Variants in ZNF98 observed in about 807,000 individuals in gnomAD.
ZNF98 encodes zinc finger protein 739.
ZNF98 carries 8 observed loss-of-function variants against 12.8 expected under a neutral mutation model. The ratio of observed to expected loss-of-function variants is 0.63; its 90% CI spans 0.37 to 1.13. The LOEUF (loss-of-function observed/expected upper bound fraction) is 1.13, where lower values mean the gene tolerates loss of function less well. ZNF98 is among the 50% of genes most tolerant of loss of function. The probability of loss-of-function intolerance (pLI) is 0.01; values close to 1 mark genes in which losing one functional copy is unlikely to be tolerated. For synonymous variants in ZNF98, 112 were observed against 223.5 expected (o/e 0.50, Z 4.45); for missense variants, 379 against 666.1 (o/e 0.57, Z 4.74).
At chr19:22,411,171 T>C (rs1969576479) in intron 1 of ZNF98, among the ~76,000 whole-genome samples, 1 of 152,110 alleles carries the variant, frequency 6.6e-6, no homozygotes, top group African/African-American at 2.4e-5. Flanking sequence ...GCCTTCCGAG[T>C]AGCTGGAACT....
chr19:22,409,319 C>A (rs1488601075), intron 1 of ZNF98, among the ~76,000 whole-genome samples: 1 of 152,034 alleles, frequency 6.6e-6, no homozygotes. Flanking sequence ...AAATGTAAAG[C>A]CCAAAACCAG....
intron 3 of ZNF98, among the ~76,000 whole-genome samples, chr19:22,399,844 G>C (rs905363373): frequency 1.3e-5 from 2 of 152,148 alleles, no homozygotes; most frequent in African/African-American, 4.8e-5. Context: ...AGAGAAACAG[G>C]AATCATGACT....
At chr19:22,410,750 C>T (rs1275735660) in intron 1 of ZNF98, among the ~76,000 whole-genome samples, 1 of 152,160 alleles carries the variant, frequency 6.6e-6, no homozygotes, top group Non-Finnish European at 1.5e-5. Context: ...TAATGTTGGT[C>T]TCACTCTATG....
At chr19:22,412,112 A>ATAGTATACAGTCTTCTCATCATTACG (rs1367591296) in intron 1 of ZNF98, among the ~76,000 whole-genome samples, 1 of 152,222 alleles carries the variant, frequency 6.6e-6, no homozygotes. Flanking sequence ...TAAAAAGAAC[A>ATAGTATACAGTCTTCTCATCATTACG]TAGTATACAG....
intron 3 of ZNF98, among the ~76,000 whole-genome samples, chr19:22,395,337 AC>A (rs1969379419): frequency 6.6e-6 from 1 of 152,062 alleles, no homozygotes; most frequent in Admixed American, 6.6e-5. Context: ...GAAAAAAAAA[AC>A]ATTTTAAAGA....
intron 1 of ZNF98, among the ~76,000 whole-genome samples, chr19:22,419,372 A>G (rs569533847): frequency 2.6e-5 from 4 of 152,128 alleles, no homozygotes; most frequent in East Asian, 3.9e-4. Context: ...TTCTCTCACT[A>G]TAAAGGTTTC....
chr19:22,399,628 C>G (rs1255075215), intron 3 of ZNF98, among the ~76,000 whole-genome samples: 2 of 152,104 alleles, frequency 1.3e-5, no homozygotes, highest in Non-Finnish European at 2.9e-5. Flanking sequence ...TACTAATTAT[C>G]TAATTCACCT....
At chr19:22,413,116 C>T (rs532245278) in intron 1 of ZNF98, among the ~76,000 whole-genome samples, 2 of 151,332 alleles carry the variant, frequency 1.3e-5, no homozygotes, top group South Asian at 4.2e-4. Context: ...CCATCACAAA[C>T]CCACAGACAA....
intron 1 of ZNF98, among the ~76,000 whole-genome samples, chr19:22,410,874 C>T (rs1011673110): frequency 1.3e-5 from 2 of 152,100 alleles, no homozygotes; most frequent in African/African-American, 4.8e-5. Flanking sequence ...AGAGAGCAGG[C>T]ACAGCACAGA....
At chr19:22,393,128 A>T in intron 3 of ZNF98, 147 bp from the exon 4 acceptor site, 1 of 905,030 alleles carries the variant, frequency 1.1e-6, no homozygotes, top group Non-Finnish European at 1.5e-6. Context: ...AGACATATAA[A>T]AGCATACAGA....
At chr19:22,417,528 A>T (rs1019455089) in intron 1 of ZNF98, among the ~76,000 whole-genome samples, 2 of 152,128 alleles carry the variant, frequency 1.3e-5, no homozygotes, top group Non-Finnish European at 2.9e-5. Context: ...CAGGTGGAAG[A>T]ACTGGTTTGT....
At chr19:22,407,192 G>C (rs1258624638) in intron 1 of ZNF98, among the ~76,000 whole-genome samples, 2 of 151,746 alleles carry the variant, frequency 1.3e-5, no homozygotes, top group Non-Finnish European at 2.9e-5. Context: ...GAGTAGCTGG[G>C]ATTACAGGCG....
intron 3 of ZNF98, among the ~76,000 whole-genome samples, chr19:22,397,290 C>T (rs1969407974): frequency 6.6e-6 from 1 of 151,356 alleles, no homozygotes; most frequent in South Asian, 2.1e-4. Context: ...ATAACAGAGA[C>T]ACATAGAGAG....
At chr19:22,404,674 T>C (rs1969499863) in intron 1 of ZNF98, among the ~76,000 whole-genome samples, 1 of 152,240 alleles carries the variant, frequency 6.6e-6, no homozygotes, top group African/African-American at 2.4e-5. Context: ...ATAGCCTGAA[T>C]TTAATCATAA....
At chr19:22,402,175 C>CAAAAAAAAAA (rs869111485) in intron 3 of ZNF98, among the ~76,000 whole-genome samples, 2 of 60,510 alleles carry the variant, frequency 3.3e-5, no homozygotes, top group African/African-American at 6.4e-5. Flanking sequence ...GACTCCATCT[C>CAAAAAAAAAA]AAAAAAAAAA....
At chr19:22,398,662 G>C (rs1157995668) in intron 3 of ZNF98, among the ~76,000 whole-genome samples, 1 of 152,102 alleles carries the variant, frequency 6.6e-6, no homozygotes, top group African/African-American at 2.4e-5. Context: ...GCCATGAAAT[G>C]TACATTCAAA....
At chr19:22,393,267 C>T (rs576634300) in intron 3 of ZNF98, among the ~76,000 whole-genome samples, 336 of 152,266 alleles carry the variant, frequency 2.2e-3, no homozygotes, top group African/African-American at 7.7e-3. Context: ...TTCCTGCTTC[C>T]CTATATAACA....
intron 3 of ZNF98, 190 bp downstream of exon 3, chr19:22,402,599 T>C (rs368978763): frequency 3.0e-5 from 17 of 558,270 alleles, no homozygotes; most frequent in Non-Finnish European, 4.4e-5. Flanking sequence ...GTAAAATCTT[T>C]AGAGATTTTA....
At position 22,413,599 on chromosome 19, in the gene ZNF98, G is replaced by A. The variant is rs150346004; in HGVS notation, c.30+8596C>T. ...AGGAAGTCAGAGATGGGCCAGGTGC[G>A]GTGGCTCACACCTGTAATCCCAGCA... On this transcript the variant is annotated intron_variant, in intron 1 of 3. Coordinates refer to ENST00000357774, the MANE Select transcript of ZNF98 (RefSeq NM_001098626.2). 7.0e-4 allele frequency among the ~76,000 whole-genome samples: 107 copies of A among 152,002 alleles called. 2 individuals are homozygous for A. Among genetic ancestry groups the A allele is most frequent in the Middle Eastern group, 6.8e-3 (2 of 294 alleles).
Sources: gnomAD v4.1 joint callset for allele counts (sites outside exome capture counted in the v4.1 genomes callset) on GRCh38, gnomAD v4.1.1 for gene constraint, MANE v1.5 for transcripts, NCBI Gene and HGNC (gene_info 2026-07-23, HGNC 2026-07-21) for gene names.